The following SMG8 variants were observed in gnomAD, a reference collection of about 807,000 sequenced individuals.
SMG8 encodes nonsense-mediated mRNA decay factor SMG8.
SMG8 carries 49 observed loss-of-function variants against 82.1 expected under a neutral mutation model. The observed-to-expected ratio is 0.60, with a 90% CI of 0.47 to 0.76. SMG8 has a LOEUF of 0.76. SMG8 is among the 30% of genes least tolerant of loss of function. SMG8 has a pLI of 0.00. For synonymous variants in SMG8, 404 were observed against 430.0 expected (o/e 0.94, Z 0.75); for missense variants, 969 against 1,166.4 (o/e 0.83, Z 2.46).
rs760298104 is a variant in SMG8 at position 59,213,387 on chromosome 17, G to C, written c.2564G>C (p.Arg855Pro). The stretch of plus-strand genomic sequence containing the variant: ...GTGGGCTTTGAATATGAAGACTCTC[G>C]AGGTCGGAGATTCATGTGCTCTGGG... ...AFVGFEYEDS[R>P]GRRFMCSGPD... Residue 855 changes from arginine to proline, a missense_variant, in exon 3 of 4, where the codon CGA becomes CCA. This residue lies in a region of SMG8 where 662 missense variants were observed against 884.8 expected (regional missense o/e 0.75). Coordinates refer to ENST00000300917, the MANE Select transcript of SMG8 (RefSeq NM_018149.7). 1 of 1,614,150 alleles carries C rather than the reference G, an allele frequency of 6.2e-7. No individual in the cohort carries two copies. Among genetic ancestry groups the C allele is most frequent in the Non-Finnish European group, 8.5e-7 (1 of 1,180,034 alleles).
At position 59,211,090 on chromosome 17, in the gene SMG8, C is replaced by G. The variant is rs1366158268; in HGVS notation, c.1039C>G (p.Pro347Ala). The part of the protein sequence containing the change: ...YIVPGSQEED[P>A]VGMLLDQLRS... Reference sequence around the variant, plus strand: ...AGTACCGGGAAGCCAGGAGGAGGACCCAGTAGGTATGTTGCTGGACCAACT... The same window carrying G: ...AGTACCGGGAAGCCAGGAGGAGGACGCAGTAGGTATGTTGCTGGACCAACT... Residue 347 changes from proline to alanine, a missense_variant, in exon 1 of 4, where the codon CCA (proline) becomes GCA (alanine). Pro to Ala is a conservative substitution (Grantham distance 27). Coordinates refer to ENST00000300917, the MANE Select transcript of SMG8 (RefSeq NM_018149.7). 2 of 1,614,060 alleles carry G rather than the reference C, an allele frequency of 1.2e-6. No individual in the cohort carries two copies. Among genetic ancestry groups the G allele is most frequent in the Non-Finnish European group, 1.7e-6 (2 of 1,180,056 alleles).
At position 59,214,992 on chromosome 17, in the gene SMG8, T is replaced by C. The variant is rs2046961348; in HGVS notation, c.2966T>C (p.Val989Ala). Reference sequence around the variant, plus strand: ...GTGCTCCGTGGGGTTCTTAAGGCAGTAACACAATAAGTGTTTTCCAGCCAG... The same window carrying C: ...GTGCTCCGTGGGGTTCTTAAGGCAGCAACACAATAAGTGTTTTCCAGCCAG... ...YKVLRGVLKAVTQ is the reference protein window; with the variant it reads ...YKVLRGVLKAATQ The change falls in exon 4 of 4, where the codon GTA becomes GCA. Residue 989 changes from valine (V) to alanine (A), a missense_variant. Transcript: ENST00000300917. 1 of 872,808 alleles carries C rather than the reference T, an allele frequency of 1.1e-6. No homozygotes were observed. The highest frequency in any genetic ancestry group is 2.0e-6 in the Non-Finnish European group (1 of 501,666). 54.1% of individuals were successfully genotyped at this position (872,808 alleles called of 1,614,324 possible). A position where few individuals can be genotyped will look rare whatever the true frequency, so the allele number is the denominator to read the frequency against.
rs761383265 is a variant in SMG8 at position 59,211,622 on chromosome 17, A to T, written c.1571A>T (p.His524Leu). 6.2e-7 allele frequency: 1 copy of T among 1,614,016 alleles called. No homozygotes were observed. The highest frequency in any genetic ancestry group is 8.5e-7 in the Non-Finnish European group (1 of 1,180,032). ...CCTCATAATTACACAATGACTGTCCATAAGAATCAGCTTGCCCAGGCTCTT... is the reference window on the plus strand; with the variant it reads ...CCTCATAATTACACAATGACTGTCCTTAAGAATCAGCTTGCCCAGGCTCTT... ...NLPHNYTMTVHKNQLAQALRV... is the reference protein window; with the variant it reads ...NLPHNYTMTVLKNQLAQALRV... The change falls in exon 1 of 4, where the codon CAT becomes CTT. Residue 524 changes from histidine (H) to leucine (L), a missense_variant. By Grantham distance (99) the His-to-Leu change is moderately conservative (BLOSUM62 -3). Transcript: ENST00000300917.
Position 59,211,503 on chromosome 17 carries a change from C to T in SMG8, c.1452C>T (p.Val484=), listed in dbSNP as rs577823504. 4.3e-6 allele frequency: 7 copies of T among 1,613,818 alleles called. No homozygotes were observed. In the South Asian group the frequency reaches 5.5e-5, roughly 13 times the overall value. ...CTAAGATTTTAAGCAGTATTAAAGT[C>T]TTGGAAGGATTTTTGGATATTGACA... ...LTSKILSSIK[V]LEGFLDIDTK... The change falls in exon 1 of 4, where the codon GTC becomes GTT. Residue 484 remains valine (V), a synonymous_variant. Coordinates refer to ENST00000300917, the MANE Select transcript of SMG8 (RefSeq NM_018149.7).
chr17:59,210,633 G>C lies in SMG8; in HGVS notation c.582G>C (p.Lys194Asn), dbSNP rs781701292. 6.2e-7 allele frequency: 1 copy of C among 1,612,248 alleles called. No homozygotes were observed. The highest frequency in any genetic ancestry group is 1.3e-5 in the African/African-American group (1 of 74,866). Residue 194 changes from lysine (K) to asparagine (N), a missense_variant, in exon 1 of 4, where the codon AAG (lysine) becomes AAC (asparagine). Around this residue, in one of 3 missense-constraint regions of SMG8, gnomAD observed 662 missense variants for 884.8 expected, o/e 0.75. Transcript: ENST00000300917. ...ACGAGTTCTGGAAGCATCAAGAGAA[G>C]CTGCAGTGCCTCAGTCTCCTTTACC... ...EAHEFWKHQE[K>N]LQCLSLLYLF...
chr17:59,210,353 A>G lies in SMG8; in HGVS notation c.302A>G (p.Glu101Gly). ...AGAACTGAGGCTGGCGCCGTGGGTG[A>G]GGCCGGTGGAGCCGAGGACCCTGGG... is the stretch of plus-strand genomic sequence containing the variant. ...GIRTEAGAVG[E>G]AGGAEDPGAA... Residue 101 changes from glutamate (E) to glycine (G), a missense_variant, in exon 1 of 4, where the codon GAG (glutamate) becomes GGG (glycine). Glu to Gly is a moderately conservative substitution (Grantham distance 98). Around this residue, in one of 3 missense-constraint regions of SMG8, gnomAD observed 206 missense variants for 190.5 expected, o/e 1.08. Transcript: ENST00000300917. 6.2e-7 allele frequency: 1 copy of G among 1,611,638 alleles called. No homozygotes were observed. Among genetic ancestry groups the G allele is most frequent in the Non-Finnish European group, 8.5e-7 (1 of 1,179,112 alleles).
intron 3 of SMG8, among the ~76,000 whole-genome samples, 162 bp from the exon 4 acceptor site, chr17:59,214,643 G>A (rs377546574): frequency 2.0e-5 from 3 of 152,048 alleles, no homozygotes; most frequent in East Asian, 1.9e-4. Context: ...TCCTGACCTC[G>A]TGATTCACCT....
In SMG8 at chr17:59,210,160, G is replaced by T. The variant is rs150240249; in HGVS notation, c.109G>T (p.Gly37Ter). 1 of 1,588,712 alleles carries T rather than the reference G, an allele frequency of 6.3e-7. No homozygotes were observed. The highest frequency in any genetic ancestry group is 8.6e-7 in the Non-Finnish European group (1 of 1,168,078). Residue 37 changes from glycine (G) to a stop codon, truncating the protein, a stop_gained, in exon 1 of 4, where the codon GGA becomes TGA. Coordinates refer to ENST00000300917, the MANE Select transcript of SMG8 (RefSeq NM_018149.7). LOFTEE classifies it high-confidence loss of function. ...TGAGGGCGGAGGGAGCGCGGCTGGCGGACCGGAGCCTCCATGGCGGGAGGA... is the reference window on the plus strand; with the variant it reads ...TGAGGGCGGAGGGAGCGCGGCTGGCTGACCGGAGCCTCCATGGCGGGAGGA... ...PTEGGGSAAG[G>*]PEPPWREDEI...
chr17:59,213,755 G>A (rs2046955617), intron 3 of SMG8, among the ~76,000 whole-genome samples, 154 bp downstream of exon 3: 1 of 152,168 alleles, frequency 6.6e-6, no homozygotes, highest in Admixed American at 6.5e-5. Context: ...GGGAGGCCAA[G>A]GTGGGAGGAT....
chr17:59,210,972 G>A lies in SMG8; in HGVS notation c.921G>A (p.Gln307=). The A allele has an allele frequency of 1.9e-6, 3 of 1,614,206 alleles. No individual in the cohort carries two copies. Among genetic ancestry groups the A allele is most frequent in the African/African-American group, 1.3e-5 (1 of 75,054 alleles). ...GGCTGCAGCATGCCCTGGAGGACCA[G>A]ATCTATAGAATCTTCCGGAAGAGTC... The part of the protein sequence containing the change: ...KRRLQHALED[Q]IYRIFRKSRV... Residue 307 remains glutamine, a synonymous_variant, in exon 1 of 4, where the codon CAG becomes CAA. Coordinates refer to ENST00000300917, the MANE Select transcript of SMG8 (RefSeq NM_018149.7).
rs1280537249 is a variant in SMG8 at position 59,212,918 on chromosome 17, T to C, written c.2095T>C (p.Leu699=). ...ESTSLSLALS[L]GQSTDSLGTY... ...CACGAGCCTGAGTTTAGCTTTGAGT[T>C]TGGGCCAATCCACAGATAGCTTAGG... is the stretch of plus-strand genomic sequence containing the variant. Residue 699 remains leucine, a synonymous_variant, in exon 3 of 4, where the codon TTG becomes CTG. Coordinates refer to ENST00000300917, the MANE Select transcript of SMG8 (RefSeq NM_018149.7). The C allele has an allele frequency of 1.2e-6, 2 of 1,613,952 alleles. No individual in the cohort carries two copies. Among genetic ancestry groups the C allele is most frequent in the Non-Finnish European group, 1.7e-6 (2 of 1,180,028 alleles).
At chr17:59,212,213 C>T (rs899152123) in intron 1 of SMG8, 128 bp from the exon 2 acceptor site, 11 of 679,182 alleles carry the variant, frequency 1.6e-5, no homozygotes, top group Non-Finnish European at 2.5e-5. Flanking sequence ...ATTTTATATA[C>T]TTTCACTTGC....
Position 59,210,529 on chromosome 17 carries a change from T to G in SMG8, c.478T>G (p.Ser160Ala), listed in dbSNP as rs1347462488. The G allele has an allele frequency of 5.1e-6, 8 of 1,564,730 alleles. No homozygotes were observed. The highest frequency in any genetic ancestry group is 6.9e-6 in the Non-Finnish European group (8 of 1,159,030). The stretch of plus-strand genomic sequence containing the variant: ...TCTCCTCACCTCCATCTGTGACAAT[T>G]CACAGCTTCTCCGGGCTTGTCGGGC... ...YLLLTSICDNSQLLRACRALQ... is the reference protein window; with the variant it reads ...YLLLTSICDNAQLLRACRALQ... Residue 160 changes from serine to alanine, a missense_variant, in exon 1 of 4, where the codon TCA becomes GCA. Physicochemically the swap from Ser to Ala is moderately conservative, Grantham distance 99. This residue lies in a region of SMG8 where 662 missense variants were observed against 884.8 expected (regional missense o/e 0.75). Transcript: ENST00000300917.
chr17:59,215,022 A>T lies in SMG8; in HGVS notation c.*20A>T, dbSNP rs1247378681. ...CAATAAGTGTTTTCCAGCCAGTTCA[A>T]TCCTATACTTGAGCTGGTTTTTGTT... On this transcript the variant is annotated 3_prime_UTR_variant, in exon 4 of 4. Coordinates refer to ENST00000300917, the MANE Select transcript of SMG8 (RefSeq NM_018149.7). 1 of 866,170 alleles carries T rather than the reference A, an allele frequency of 1.2e-6. No homozygotes were observed. Among genetic ancestry groups the T allele is most frequent in the South Asian group, 1.3e-5 (1 of 76,092 alleles). 53.7% of individuals were successfully genotyped at this position (866,170 alleles called of 1,614,324 possible).
In SMG8 at chr17:59,210,951, G is replaced by A; in HGVS notation, c.900G>A (p.Leu300=). ...KPKKHSPKRR[L]QHALEDQIYR... ...AGAAACATTCTCCCAAAAGGAGGCTGCAGCATGCCCTGGAGGACCAGATCT... is the reference window on the plus strand; with the variant it reads ...AGAAACATTCTCCCAAAAGGAGGCTACAGCATGCCCTGGAGGACCAGATCT... The change falls in exon 1 of 4, where the codon CTG becomes CTA. Residue 300 remains leucine (L), a synonymous_variant. Transcript: ENST00000300917. 1.2e-6 allele frequency: 2 copies of A among 1,614,196 alleles called. No homozygotes were observed. Among genetic ancestry groups the A allele is most frequent in the Non-Finnish European group, 1.7e-6 (2 of 1,180,048 alleles).
rs1276090690 is a variant in SMG8 at position 59,214,858 on chromosome 17, C to A, written c.2832C>A (p.Ile944=). 1 of 872,978 alleles carries A rather than the reference C, an allele frequency of 1.1e-6. No homozygotes were observed. The highest frequency in any genetic ancestry group is 1.3e-5 in the South Asian group (1 of 76,544). 54.1% of individuals were successfully genotyped at this position (872,978 alleles called of 1,614,324 possible). Residue 944 remains isoleucine, a synonymous_variant, in exon 4 of 4, where the codon ATC becomes ATA. Transcript: ENST00000300917. The stretch of plus-strand genomic sequence containing the variant: ...TATTCTACCCAGAAAAACAAGAAAT[C>A]ACCCTTCCACCTGATGGCCTTTGGG... ...CPVFYPEKQE[I]TLPPDGLWVL...
At position 59,211,118 on chromosome 17, in the gene SMG8, G is replaced by A. The variant is rs148740401; in HGVS notation, c.1067G>A (p.Arg356Lys). 2.3e-4 allele frequency: 364 copies of A among 1,614,086 alleles called. 2 individuals carry two copies. The highest frequency in any genetic ancestry group is 1.5e-4 in the Admixed American group (9 of 59,990). The change falls in exon 1 of 4, where the codon AGG becomes AAG. Residue 356 changes from arginine to lysine, a missense_variant. Physicochemically the swap from Arg to Lys is conservative, Grantham distance 26 (BLOSUM62 2). This residue lies in a region of SMG8 where 662 missense variants were observed against 884.8 expected (regional missense o/e 0.75). Coordinates refer to ENST00000300917, the MANE Select transcript of SMG8 (RefSeq NM_018149.7). ...DPVGMLLDQL[R>K]SHCTVKDPES... ...GTAGGTATGTTGCTGGACCAACTTA[G>A]GAGTCATTGTACTGTGAAGGACCCG...
Position 59,211,006 on chromosome 17 carries a change from A to C in SMG8, c.955A>C (p.Thr319Pro). ...AATCTTCCGGAAGAGTCGTGTCTTGACTAATCAGAGCATCAACTGCCTCTT... is the reference window on the plus strand; with the variant it reads ...AATCTTCCGGAAGAGTCGTGTCTTGCCTAATCAGAGCATCAACTGCCTCTT... ...YRIFRKSRVLTNQSINCLFTV... is the reference protein window; with the variant it reads ...YRIFRKSRVLPNQSINCLFTV... Residue 319 changes from threonine to proline, a missense_variant, in exon 1 of 4, where the codon ACT (threonine) becomes CCT (proline). Physicochemically the swap from Thr to Pro is conservative, Grantham distance 38. Around this residue, in one of 3 missense-constraint regions of SMG8, gnomAD observed 662 missense variants for 884.8 expected, o/e 0.75. Transcript: ENST00000300917. 1 of 1,614,204 alleles carries C rather than the reference A, an allele frequency of 6.2e-7. No homozygotes were observed. The highest frequency in any genetic ancestry group is 8.5e-7 in the Non-Finnish European group (1 of 1,180,040).
In SMG8 at chr17:59,210,651, C is replaced by T. The variant is rs983526608; in HGVS notation, c.600C>T (p.Leu200=). The T allele has an allele frequency of 6.2e-7, 1 of 1,613,990 alleles. No homozygotes were observed. Among genetic ancestry groups the T allele is most frequent in the Non-Finnish European group, 8.5e-7 (1 of 1,179,942 alleles). ...KHQEKLQCLS[L]LYLFSVCHIL... is the part of the protein sequence containing the mutation. ...AAGAGAAGCTGCAGTGCCTCAGTCT[C>T]CTTTACCTATTCTCTGTCTGTCATA... The change falls in exon 1 of 4, where the codon CTC becomes CTT. Residue 200 remains leucine (L), a synonymous_variant. Coordinates refer to ENST00000300917, the MANE Select transcript of SMG8 (RefSeq NM_018149.7).
Sources: allele counts gnomAD v4.1 joint callset (sites outside exome capture counted in the v4.1 genomes callset), GRCh38; gene constraint gnomAD v4.1.1; regional missense constraint gnomAD v4.1.1; transcripts MANE v1.5; gene names NCBI Gene and HGNC (gene_info 2026-07-23, HGNC 2026-07-21).